SAMD3: variants seen among roughly 807,000 people sequenced by gnomAD.
SAMD3 encodes the protein sterile alpha motif domain-containing protein 3.
Under a neutral mutation model 58.5 loss-of-function variants are expected in SAMD3, and 63 were observed. The ratio of observed to expected loss-of-function variants is 1.08; its 90% CI spans 0.88 to 1.33. The LOEUF is 1.33. Among genes scored for constraint, SAMD3 ranks in the 40% most tolerant of loss-of-function variants. The pLI, the probability that SAMD3 is intolerant of heterozygous loss-of-function variation, is 0.00. For missense variants in SAMD3, 604 were observed against 608.4 expected (o/e 0.99, Z 0.08); for synonymous variants, 220 against 210.3 (o/e 1.05, Z -0.40).
rs114491454 is a variant in SAMD3, at chr6:130,220,785, G to A, written c.-68+1909C>T. Among the ~76,000 whole-genome samples, 522 of 152,226 alleles carry A rather than the reference G, an allele frequency of 3.4e-3. 5 individuals are homozygous for A. The highest frequency in any genetic ancestry group is 0.012 in the African/African-American group (502 of 41,546). On this transcript the variant is annotated intron_variant, in intron 1 of 11. Transcript: ENST00000439090. The stretch of plus-strand genomic sequence containing the variant: ...GTTATGCTATTAACAGCATGGTACT[G>A]GAGGAAAAGAGAACAGATATTGAAA...
At chr6:130,167,765 C>A (rs1468690739) in intron 8 of SAMD3, among the ~76,000 whole-genome samples, 1 of 152,164 alleles carries the variant, frequency 6.6e-6, no homozygotes, top group Non-Finnish European at 1.5e-5. Context: ...GACTGCACGA[C>A]CATACATGCA....
intron 2 of SAMD3, 132 bp from the exon 3 acceptor site, chr6:130,215,426 A>G (rs1338674761): frequency 1.6e-6 from 2 of 1,250,414 alleles, no homozygotes; most frequent in African/African-American, 1.5e-5. Flanking sequence ...TAAAATTACT[A>G]TTTTTACAAT....
At chr6:130,339,387 T>C (rs1288201858) in intron 1 of SAMD3, among the ~76,000 whole-genome samples, 1 of 152,146 alleles carries the variant, frequency 6.6e-6, no homozygotes, top group Non-Finnish European at 1.5e-5. Context: ...ACATCCTACA[T>C]GTCAAGGGAG....
At chr6:130,298,764 TC>T (rs972028772) in intron 2 of SAMD3, among the ~76,000 whole-genome samples, 6 of 151,842 alleles carry the variant, frequency 4.0e-5, no homozygotes, top group African/African-American at 1.5e-4. Flanking sequence ...ATTCATAGGC[TC>T]AAAATAAAGG....
intron 9 of SAMD3, among the ~76,000 whole-genome samples, chr6:130,151,642 C>T (rs1158225069): frequency 1.3e-5 from 2 of 152,046 alleles, no homozygotes; most frequent in African/African-American, 2.4e-5. Flanking sequence ...TGTTTCTCCA[C>T]GTTGGTCAGC....
At chr6:130,328,363 G>A (rs183601452) in intron 1 of SAMD3, among the ~76,000 whole-genome samples, 8 of 152,258 alleles carry the variant, frequency 5.3e-5, no homozygotes, top group African/African-American at 1.4e-4. Context: ...ACTACCTAGA[G>A]GCTCTGGCTA....
intron 1 of SAMD3, among the ~76,000 whole-genome samples, chr6:130,325,047 C>T (rs1236324640): frequency 8.4e-6 from 1 of 119,522 alleles, no homozygotes; most frequent in Non-Finnish European, 1.6e-5. Context: ...TACAATTCAG[C>T]TCTGAAGAAC....
intron 1 of SAMD3, among the ~76,000 whole-genome samples, chr6:130,329,489 T>A (rs1050228919): frequency 3.9e-5 from 6 of 152,162 alleles, no homozygotes; most frequent in African/African-American, 1.4e-4. Flanking sequence ...ATTTCAACCA[T>A]TGTGGAAGAC....
intron 2 of SAMD3, among the ~76,000 whole-genome samples, chr6:130,289,026 T>C (rs112520822): frequency 2.0e-5 from 3 of 152,334 alleles, no homozygotes; most frequent in African/African-American, 7.2e-5. Flanking sequence ...GTGTTAACTG[T>C]GGTAACACTT....
intron 5 of SAMD3, among the ~76,000 whole-genome samples, chr6:130,186,267 A>T (rs1424683303): frequency 2.0e-5 from 3 of 152,164 alleles, no homozygotes; most frequent in Admixed American, 2.0e-4. Context: ...AGCAACATTC[A>T]GATGAATTTT....
intron 1 of SAMD3, among the ~76,000 whole-genome samples, chr6:130,219,543 C>T (rs1796135684): frequency 6.6e-6 from 1 of 152,178 alleles, no homozygotes; most frequent in Non-Finnish European, 1.5e-5. Context: ...GCCTTTTCAT[C>T]CTCATAGCTT....
At position 130,146,159 on chromosome 6, in the gene SAMD3, AGAAGTTGGAATTCTCT is replaced by A. The variant is rs759879218; in HGVS notation, c.1030_1045del (p.Arg344LeufsTer22). 1.9e-6 allele frequency: 3 copies of A among 1,587,488 alleles called. No homozygotes were observed. The South Asian group carries it at 3.5e-5, about 19-fold the overall frequency. Reference sequence around the variant, plus strand: ...TTTCTTATAAATATCTGTTCTTGTAAGAAGTTGGAATTCTCTGAACATCTGACAAAAGAAGAAAGCA... The same window carrying A: ...TTTCTTATAAATATCTGTTCTTGTAAGAACATCTGACAAAAGAAGAAAGCA... On this transcript the variant is annotated frameshift_variant, in exon 10 of 12. Transcript: ENST00000439090. LOFTEE classifies it high-confidence loss of function.
Position 130,152,855 on chromosome 6 carries a change from CA to C in SAMD3, c.1023+1969del, listed in dbSNP as rs1240010018. ...TGGACAAAAGCACAGGGGACAGCATCAGGTCTGAAATCTCTCTGCTCCTCAC... is the reference window on the plus strand; with the variant it reads ...TGGACAAAAGCACAGGGGACAGCATCGGTCTGAAATCTCTCTGCTCCTCAC... On this transcript the variant is annotated intron_variant, in intron 9 of 11. Transcript: ENST00000439090. Among the ~76,000 whole-genome samples, 3 of 152,288 alleles carry C rather than the reference CA, an allele frequency of 2.0e-5. No individual in the cohort carries two copies. In the East Asian group the frequency reaches 5.8e-4, roughly 29 times the overall value.
chr6:130,339,665 T>C (rs753285380), intron 1 of SAMD3, among the ~76,000 whole-genome samples: 5 of 152,254 alleles, frequency 3.3e-5, no homozygotes, highest in East Asian at 1.9e-4. Flanking sequence ...CAGTTTTTTA[T>C]ACCAGTATGA....
intron 1 of SAMD3, among the ~76,000 whole-genome samples, chr6:130,339,213 A>AT (rs923776668): frequency 1.1e-4 from 16 of 151,822 alleles, no homozygotes; most frequent in African/African-American, 3.6e-4. Context: ...CGCCCGGCTA[A>AT]TTTTTTTGTA....
intron 2 of SAMD3, among the ~76,000 whole-genome samples, chr6:130,269,042 A>G (rs1774461752): frequency 6.6e-6 from 1 of 152,146 alleles, no homozygotes; most frequent in African/African-American, 2.4e-5. Context: ...GCCTAGCCCT[A>G]GTTCCCGAAG....
intron 5 of SAMD3, among the ~76,000 whole-genome samples, chr6:130,188,407 C>T (rs774502131): frequency 1.1e-4 from 17 of 152,180 alleles, no homozygotes; most frequent in Non-Finnish European, 1.9e-4. Context: ...GAGTTGATAA[C>T]ACAGTGATTT....
chr6:130,353,349 G>A (rs968903916), intron 1 of SAMD3, among the ~76,000 whole-genome samples: 1 of 152,192 alleles, frequency 6.6e-6, no homozygotes, highest in African/African-American at 2.4e-5. Flanking sequence ...CAAACCTAGA[G>A]GGGAGGAGAA....
chr6:130,147,448 C>T (rs576991115), intron 9 of SAMD3, among the ~76,000 whole-genome samples: 9 of 152,326 alleles, frequency 5.9e-5, no homozygotes, highest in South Asian at 2.1e-4. Flanking sequence ...GAGGTGAATA[C>T]GCCACTGTTC....
Sources: allele counts gnomAD v4.1 joint callset (sites outside exome capture counted in the v4.1 genomes callset), GRCh38; gene constraint gnomAD v4.1.1; transcripts MANE v1.5; gene names NCBI Gene and HGNC (gene_info 2026-07-23, HGNC 2026-07-21).